Variants in ROBO1 observed in about 807,000 individuals in gnomAD.
ROBO1 encodes the protein roundabout homolog 1.
Under a neutral mutation model 195.9 loss-of-function variants are expected in ROBO1, and 149 were observed. The ratio of observed to expected loss-of-function variants is 0.76; its 90% CI spans 0.67 to 0.87. The LOEUF is 0.87. ROBO1 is among the 40% of genes least tolerant of loss of function. The pLI, the probability that ROBO1 is intolerant of heterozygous loss-of-function variation, is 0.00. For missense variants in ROBO1, 1,933 were observed against 2,068.3 expected (o/e 0.93, Z 1.27); for synonymous variants, 816 against 733.2 (o/e 1.11, Z -1.82).
rs901282365 is a variant in ROBO1, at chr3:79,474,749, T to C, written c.88+115075A>G. 4.6e-5 allele frequency among the ~76,000 whole-genome samples: 7 copies of C among 152,126 alleles called. No individual in the cohort carries two copies. In the East Asian group the frequency reaches 1.3e-3, roughly 29 times the overall value. On this transcript the variant is annotated intron_variant, in intron 2 of 30. Coordinates refer to ENST00000464233, the MANE Select transcript of ROBO1 (RefSeq NM_002941.4). ...ACCTACTCCTTGAAGATTTAGAATA[T>C]ATAATACATTTAAAGACTCCTTAAA...
At chr3:79,428,200 G>T (rs1211520107) in intron 2 of ROBO1, among the ~76,000 whole-genome samples, 2 of 151,790 alleles carry the variant, frequency 1.3e-5, no homozygotes, top group East Asian at 1.9e-4. Context: ...ATATAAAAAG[G>T]TGTCCAATAG....
At chr3:79,330,126 G>A (rs1373556393) in intron 2 of ROBO1, among the ~76,000 whole-genome samples, 2 of 151,614 alleles carry the variant, frequency 1.3e-5, no homozygotes, top group Non-Finnish European at 2.9e-5. Context: ...TTTTCTCACT[G>A]TGGAATATCT....
intron 3 of ROBO1, among the ~76,000 whole-genome samples, chr3:79,054,968 A>T (rs531239728): frequency 6.6e-6 from 1 of 152,206 alleles, no homozygotes; most frequent in East Asian, 1.9e-4. Context: ...CTGTCTCAGT[A>T]CAATGCTTGT....
chr3:79,043,016 T>C (rs1326640208), intron 3 of ROBO1, among the ~76,000 whole-genome samples: 5 of 152,130 alleles, frequency 3.3e-5, no homozygotes, highest in African/African-American at 1.2e-4. Flanking sequence ...GTAATTCTTT[T>C]ACTCCTATCT....
chr3:78,784,647 C>T (rs1220479816), intron 4 of ROBO1, among the ~76,000 whole-genome samples: 1 of 152,030 alleles, frequency 6.6e-6, no homozygotes, highest in African/African-American at 2.4e-5. Flanking sequence ...TCTTATGGTA[C>T]ATGGAATAAA....
At position 78,987,186 on chromosome 3, in the gene ROBO1, C is replaced by A. The variant is rs189953604; in HGVS notation, c.173-48259G>T. On this transcript the variant is annotated intron_variant, in intron 3 of 30. Transcript: ENST00000464233. ...TGAGGTGATGGAAAGGAAAGAGTAA[C>A]ACGTTTTAAAAAAGAAGAAGAAAAA... 4.1e-3 allele frequency among the ~76,000 whole-genome samples: 571 copies of A among 140,688 alleles called. 3 individuals carry two copies. Among genetic ancestry groups the A allele is most frequent in the Non-Finnish European group, 6.4e-3 (419 of 65,102 alleles). The allele number at this position is 140,688 out of a possible 152,430, so 92.3% of individuals were successfully genotyped here. A position where few individuals can be genotyped will look rare whatever the true frequency, so the allele number is the denominator to read the frequency against.
At chr3:79,026,706 A>G (rs2078209416) in intron 3 of ROBO1, among the ~76,000 whole-genome samples, 1 of 152,070 alleles carries the variant, frequency 6.6e-6, no homozygotes, top group Non-Finnish European at 1.5e-5. Context: ...TTCCAGATAC[A>G]TCTGAAACCA....
At chr3:79,260,127 T>TC (rs2082912705) in intron 2 of ROBO1, among the ~76,000 whole-genome samples, 1 of 151,682 alleles carries the variant, frequency 6.6e-6, no homozygotes, top group Non-Finnish European at 1.5e-5. Flanking sequence ...TATATATATT[T>TC]GTATTCCCAT....
At chr3:79,539,212 G>A (rs904641695) in intron 2 of ROBO1, among the ~76,000 whole-genome samples, 3 of 152,100 alleles carry the variant, frequency 2.0e-5, no homozygotes, top group Non-Finnish European at 2.9e-5. Flanking sequence ...CAAAGGAGAA[G>A]TGCACATTTA....
chr3:79,403,567 A>G (rs2106798917), intron 2 of ROBO1, among the ~76,000 whole-genome samples: 1 of 152,142 alleles, frequency 6.6e-6, no homozygotes, highest in East Asian at 1.9e-4. Flanking sequence ...GTAAAATTGG[A>G]CATCGTTTCT....
intron 2 of ROBO1, among the ~76,000 whole-genome samples, chr3:79,289,490 C>T (rs1159572822): frequency 6.6e-6 from 1 of 152,016 alleles, no homozygotes; most frequent in Non-Finnish European, 1.5e-5. Flanking sequence ...CTTTATTTTC[C>T]TTTAGGTGAA....
chr3:79,579,031 G>T lies in ROBO1; in HGVS notation c.88+10793C>A, dbSNP rs150371773. Among the ~76,000 whole-genome samples the T allele has an allele frequency of 3.4e-3, 510 of 152,208 alleles. 12 individuals are homozygous for T. In the East Asian group the frequency reaches 0.034, roughly 10 times the overall value. On this transcript the variant is annotated intron_variant, in intron 2 of 30. Coordinates refer to ENST00000464233, the MANE Select transcript of ROBO1 (RefSeq NM_002941.4). ...ATATATTGTATTTTATCAATACAAA[G>T]ACCCTTCCTTAAAAAACATTTTGAC...
At chr3:78,774,828 T>G (rs2083465311) in intron 4 of ROBO1, among the ~76,000 whole-genome samples, 1 of 152,192 alleles carries the variant, frequency 6.6e-6, no homozygotes, top group Non-Finnish European at 1.5e-5. Context: ...AGAAATGATC[T>G]TTTAGTCACT....
chr3:79,397,060 T>A (rs2037181906), intron 2 of ROBO1, among the ~76,000 whole-genome samples: 1 of 152,062 alleles, frequency 6.6e-6, no homozygotes, highest in Non-Finnish European at 1.5e-5. Context: ...CCCTGGATAC[T>A]AAAACGTGAA....
chr3:79,445,585 A>C (rs2039221624), intron 2 of ROBO1, among the ~76,000 whole-genome samples: 1 of 145,996 alleles, frequency 6.8e-6, no homozygotes, highest in South Asian at 2.2e-4. Context: ...CCGCAGCCTC[A>C]AATTCCTGGG....
intron 2 of ROBO1, among the ~76,000 whole-genome samples, chr3:79,198,904 C>T (rs1451469446): frequency 2.6e-5 from 4 of 151,972 alleles, no homozygotes; most frequent in Non-Finnish European, 5.9e-5. Flanking sequence ...GCTGAAGTTG[C>T]TTATCAGCTG....
At chr3:78,883,356 T>A (rs2036299221) in intron 4 of ROBO1, among the ~76,000 whole-genome samples, 1 of 152,054 alleles carries the variant, frequency 6.6e-6, no homozygotes, top group Non-Finnish European at 1.5e-5. Flanking sequence ...CTGACCTGAC[T>A]ACACCTGTTT....
At chr3:79,048,256 A>C (rs952880068) in intron 3 of ROBO1, among the ~76,000 whole-genome samples, 7 of 151,988 alleles carry the variant, frequency 4.6e-5, no homozygotes, top group African/African-American at 1.7e-4. Flanking sequence ...TGCCATCCCC[A>C]TCCCGTGGCA....
chr3:79,718,538 A>G (rs1265593102), intron 1 of ROBO1, among the ~76,000 whole-genome samples: 1 of 152,008 alleles, frequency 6.6e-6, no homozygotes, highest in Admixed American at 6.6e-5. Flanking sequence ...GATATGTATT[A>G]TAGTGTTATA....
Sources: gnomAD v4.1 joint callset for allele counts (sites outside exome capture counted in the v4.1 genomes callset) on GRCh38, gnomAD v4.1.1 for gene constraint, MANE v1.5 for transcripts, NCBI Gene and HGNC (gene_info 2026-07-23, HGNC 2026-07-21) for gene names.